The following FAT1 variants were observed in gnomAD, a reference collection of about 807,000 sequenced individuals.
The protein encoded by FAT1 is protocadherin Fat 1.
A neutral mutation model predicts 329.8 loss-of-function variants in FAT1; 171 were observed. That is an observed-to-expected ratio of 0.52 (90% CI 0.46 to 0.59). The LOEUF (loss-of-function observed/expected upper bound fraction) is 0.59, where lower values mean the gene tolerates loss of function less well. FAT1 is among the 20% of genes least tolerant of loss of function. The probability of loss-of-function intolerance (pLI) is 0.00; values close to 1 mark genes in which losing one functional copy is unlikely to be tolerated. For missense variants in FAT1, 5,672 were observed against 5,774.4 expected, an observed-to-expected ratio of 0.98 and a Z score of 0.57; for synonymous variants, 2,233 against 2,228.6, an observed-to-expected ratio of 1.00 and a Z score of -0.06.
chr4:186,601,419 T>A lies in FAT1; in HGVS notation c.11490A>T (p.Ser3830=), dbSNP rs1321625504. The change falls in exon 21 of 27, where the codon TCA becomes TCT. Residue 3830 remains serine (S), a synonymous_variant. Coordinates refer to ENST00000441802, the MANE Select transcript of FAT1 (RefSeq NM_005245.4). ...AGCTGTTTCCAGTCAGTGTCATAGATGAACTCCCTGTGAATCACACAGAGG... is the reference window on the plus strand; with the variant it reads ...AGCTGTTTCCAGTCAGTGTCATAGAAGAACTCCCTGTGAATCACACAGAGG... The part of the protein sequence containing the change: ...SGRFGQCPGS[S]SMTLTGNSYV... 1 of 1,610,038 alleles carries A rather than the reference T, an allele frequency of 6.2e-7. No individual in the cohort carries two copies.
At position 186,620,181 on chromosome 4, in the gene FAT1, A is replaced by C. The variant is rs374568855; in HGVS notation, c.6405T>G (p.Ile2135Met). The C allele has an allele frequency of 6.2e-7, 1 of 1,613,844 alleles. No homozygotes were observed. Among genetic ancestry groups the C allele is most frequent in the South Asian group, 1.1e-5 (1 of 91,076 alleles). ...EHFQIGPLGE[I>M]SLKKQFELDT... ...CAAGCTCAAATTGCTTTTTCAGTGAAATTTCACCCAAGGGTCCAATTTGAA... is the reference window on the plus strand; with the variant it reads ...CAAGCTCAAATTGCTTTTTCAGTGACATTTCACCCAAGGGTCCAATTTGAA... Residue 2135 changes from isoleucine (I) to methionine (M), a missense_variant, in exon 10 of 27, where the codon ATT (isoleucine) becomes ATG (methionine). Physicochemically the swap from Ile to Met is conservative, Grantham distance 10. Coordinates refer to ENST00000441802, the MANE Select transcript of FAT1 (RefSeq NM_005245.4).
intron 2 of FAT1, among the ~76,000 whole-genome samples, chr4:186,669,478 T>C (rs2126629714): frequency 6.6e-6 from 1 of 152,308 alleles, no homozygotes; most frequent in East Asian, 1.9e-4. Context: ...GAATGAAGCA[T>C]TACGGAAGGA....
Position 186,588,091 on chromosome 4 carries a change from C to T in FAT1, c.*501G>A, listed in dbSNP as rs1738039697. The T allele has an allele frequency of 4.5e-6, 1 of 220,964 alleles. No individual in the cohort carries two copies. The highest frequency in any genetic ancestry group is 9.0e-6 in the Non-Finnish European group (1 of 110,798). The allele number at this position is 220,964 out of a possible 1,614,324, so 13.7% of individuals were successfully genotyped here. The stretch of plus-strand genomic sequence containing the variant: ...TGAAATGTACTAACAAAATGTCACA[C>T]TTCAGTGGAAAAAGACAGAATGAAA... On this transcript the variant is annotated 3_prime_UTR_variant, in exon 27 of 27. Transcript: ENST00000441802.
At chr4:186,703,024 G>A (rs1049171205) in intron 2 of FAT1, among the ~76,000 whole-genome samples, 3 of 152,110 alleles carry the variant, frequency 2.0e-5, no homozygotes, top group Non-Finnish European at 2.9e-5. Context: ...TAACGAGACC[G>A]ACTTTCCAAA....
chr4:186,641,228 C>T (rs984078168), intron 3 of FAT1, among the ~76,000 whole-genome samples: 1 of 152,110 alleles, frequency 6.6e-6, no homozygotes, highest in African/African-American at 2.4e-5. Context: ...TTAACAAGGG[C>T]AACAGAAGGC....
chr4:186,677,509 G>C (rs1012999378), intron 2 of FAT1, among the ~76,000 whole-genome samples: 8 of 150,366 alleles, frequency 5.3e-5, no homozygotes, highest in Non-Finnish European at 1.2e-4. Context: ...TTTTAATGAA[G>C]AACGGTGTAT....
chr4:186,696,745 T>A (rs1744059874), intron 2 of FAT1, among the ~76,000 whole-genome samples: 2 of 152,192 alleles, frequency 1.3e-5, no homozygotes, highest in Non-Finnish European at 2.9e-5. Flanking sequence ...AATTCTGGAC[T>A]GGGCACAGTG....
intron 3 of FAT1, among the ~76,000 whole-genome samples, chr4:186,654,528 A>G (rs1288784466): frequency 6.6e-6 from 1 of 152,234 alleles, no homozygotes; most frequent in East Asian, 1.9e-4. Flanking sequence ...ATGGACCAGC[A>G]GGACCAGCAA....
chr4:186,687,808 G>A (rs1215558764), intron 2 of FAT1, among the ~76,000 whole-genome samples: 2 of 152,138 alleles, frequency 1.3e-5, no homozygotes, highest in East Asian at 3.9e-4. Flanking sequence ...ACCAGAAAAT[G>A]TTCTGGATAT....
At position 186,709,115 on chromosome 4, in the gene FAT1, C is replaced by T. The variant is rs2126701656; in HGVS notation, c.713G>A (p.Ser238Asn). 4 of 1,613,860 alleles carry T rather than the reference C, an allele frequency of 2.5e-6. No homozygotes were observed. Among genetic ancestry groups the T allele is most frequent in the South Asian group, 1.1e-5 (1 of 91,068 alleles). ...GTGCACCGTTAGCTTGGCCATGCTGCTGATGCCACTGCTCCCATACAACTT... is the reference window on the plus strand; with the variant it reads ...GTGCACCGTTAGCTTGGCCATGCTGTTGATGCCACTGCTCCCATACAACTT... The part of the protein sequence containing the change: ...GMKLYGSSGI[S>N]SMAKLTVHIE... The change falls in exon 2 of 27, where the codon AGC (serine) becomes AAC (asparagine). Residue 238 changes from serine (S) to asparagine (N), a missense_variant. By Grantham distance (46) the Ser-to-Asn change is conservative. Around this residue, in one of 2 missense-constraint regions of FAT1, gnomAD observed 3,966 missense variants for 3,915.2 expected, o/e 1.01. Coordinates refer to ENST00000441802, the MANE Select transcript of FAT1 (RefSeq NM_005245.4).
Position 186,618,780 on chromosome 4 carries a change from T to C in FAT1, c.7806A>G (p.Glu2602=), listed in dbSNP as rs371962364. 1.9e-6 allele frequency: 3 copies of C among 1,614,026 alleles called. No individual in the cohort carries two copies. In the East Asian group the frequency reaches 6.7e-5, roughly 36 times the overall value. Residue 2602 remains glutamate, a synonymous_variant, in exon 10 of 27, where the codon GAA becomes GAG. Coordinates refer to ENST00000441802, the MANE Select transcript of FAT1 (RefSeq NM_005245.4). ...TAGCAGCACTGGACCCGATATTCACTTCGTATTTGGTTGCTCGAAATTGTG... is the reference window on the plus strand; with the variant it reads ...TAGCAGCACTGGACCCGATATTCACCTCGTATTTGGTTGCTCGAAATTGTG... The part of the protein sequence containing the change: ...NAPQFRATKY[E]VNIGSSAAKG...
rs780242823 is a variant in FAT1 at position 186,598,032 on chromosome 4, G to A, written c.12197C>T (p.Thr4066Met). 6.4e-5 allele frequency: 104 copies of A among 1,613,674 alleles called. No individual in the cohort carries two copies. The highest frequency in any genetic ancestry group is 7.8e-5 in the Non-Finnish European group (92 of 1,179,844). ...AAAGCCTCCGTTGTCGACAACACACGTGCCCCCATAGAGGCATGGCTTGGA... is the reference window on the plus strand; with the variant it reads ...AAAGCCTCCGTTGTCGACAACACACATGCCCCCATAGAGGCATGGCTTGGA... ...CSSKPCLYGGTCVVDNGGFVC... is the reference protein window; with the variant it reads ...CSSKPCLYGGMCVVDNGGFVC... Residue 4066 changes from threonine (T) to methionine (M), a missense_variant, in exon 23 of 27, where the codon ACG becomes ATG. Coordinates refer to ENST00000441802, the MANE Select transcript of FAT1 (RefSeq NM_005245.4).
intron 2 of FAT1, among the ~76,000 whole-genome samples, chr4:186,697,611 C>T (rs748870628): frequency 2.2e-4 from 33 of 152,150 alleles, no homozygotes; most frequent in Non-Finnish European, 3.5e-4. Context: ...AGAAAAGTGA[C>T]CTGTCCATTG....
rs2126402916 is a variant in FAT1 at position 186,598,079 on chromosome 4, C to G, written c.12150G>C (p.Glu4050Asp). The G allele has an allele frequency of 6.2e-7, 1 of 1,613,908 alleles. No individual in the cohort carries two copies. Among genetic ancestry groups the G allele is most frequent in the Non-Finnish European group, 8.5e-7 (1 of 1,179,860 alleles). ...CSALYIGTHC[E>D]ISVNPCSSKP... is the part of the protein sequence containing the mutation. ...TGGAGGAACACGGATTGACGCTTATCTCACAGTGGGTCCCTATGTACAAGG... is the reference window on the plus strand; with the variant it reads ...TGGAGGAACACGGATTGACGCTTATGTCACAGTGGGTCCCTATGTACAAGG... Residue 4050 changes from glutamate (E) to aspartate (D), a missense_variant, in exon 23 of 27, where the codon GAG becomes GAC. Glu to Asp is a conservative substitution (Grantham distance 45). Around this residue, in one of 2 missense-constraint regions of FAT1, gnomAD observed 1,706 missense variants for 1,859.1 expected, o/e 0.92. Transcript: ENST00000441802.
intron 2 of FAT1, among the ~76,000 whole-genome samples, chr4:186,664,457 A>G (rs1742336604): frequency 6.6e-6 from 1 of 152,236 alleles, no homozygotes; most frequent in Non-Finnish European, 1.5e-5. Context: ...AAGTATCTTA[A>G]TCAGGGTTGG....
At chr4:186,651,797 G>A (rs922631836) in intron 3 of FAT1, among the ~76,000 whole-genome samples, 5 of 152,170 alleles carry the variant, frequency 3.3e-5, no homozygotes, top group Admixed American at 6.5e-5. Context: ...CTGTGAGCTC[G>A]GAGATCTCCG....
rs558300184 is a variant in FAT1, at chr4:186,619,763, C to T, written c.6823G>A (p.Asp2275Asn). The change falls in exon 10 of 27, where the codon GAC becomes AAC. Residue 2275 changes from aspartate to asparagine, a missense_variant. Physicochemically the swap from Asp to Asn is conservative, Grantham distance 23. Around this residue, in one of 2 missense-constraint regions of FAT1, gnomAD observed 3,966 missense variants for 3,915.2 expected, o/e 1.01. Transcript: ENST00000441802. The stretch of plus-strand genomic sequence containing the variant: ...AACACAGGAGGGTTATCATTGATGT[C>T]GTCTACTATGATGTCCACAAATACT... ...AEVFVDIIVD[D>N]INDNPPVFAQ... is the part of the protein sequence containing the mutation. 84 of 1,613,888 alleles carry T rather than the reference C, an allele frequency of 5.2e-5. 2 individuals carry two copies. In the South Asian group the frequency reaches 7.0e-4, roughly 13 times the overall value.
chr4:186,691,782 T>C (rs1036366035), intron 2 of FAT1, among the ~76,000 whole-genome samples: 2 of 152,076 alleles, frequency 1.3e-5, no homozygotes, highest in African/African-American at 2.4e-5. Flanking sequence ...TACTCCAGTC[T>C]GAGAAAGTGA....
rs1390211043 is a variant in FAT1 at position 186,619,994 on chromosome 4, G to A, written c.6592C>T (p.His2198Tyr). ...SAEIAESIQV[H>Y]SPVVHVQANS... ...GCCTGCACGTGGACCACAGGGCTGT[G>A]CACCTGGATGCTCTCTGCAATCTCT... Residue 2198 changes from histidine to tyrosine, a missense_variant, in exon 10 of 27, where the codon CAC becomes TAC. His to Tyr is a moderately conservative substitution (Grantham distance 83, BLOSUM62 2). This residue lies in a region of FAT1 where 3,966 missense variants were observed against 3,915.2 expected (regional missense o/e 1.01). Coordinates refer to ENST00000441802, the MANE Select transcript of FAT1 (RefSeq NM_005245.4). 3.7e-6 allele frequency: 6 copies of A among 1,613,992 alleles called. No homozygotes were observed. The highest frequency in any genetic ancestry group is 5.1e-6 in the Non-Finnish European group (6 of 1,179,894).
Sources: gnomAD v4.1 joint callset for allele counts (sites outside exome capture counted in the v4.1 genomes callset) on GRCh38, gnomAD v4.1.1 for gene constraint, gnomAD v4.1.1 regional missense constraint, MANE v1.5 for transcripts, NCBI Gene and HGNC (gene_info 2026-07-23, HGNC 2026-07-21) for gene names.